Variants in CWC22 observed in about 807,000 individuals in gnomAD.
CWC22 encodes the protein pre-mRNA-splicing factor CWC22 homolog.
Under a neutral mutation model 117.2 loss-of-function variants are expected in CWC22, and 53 were observed. The ratio of observed to expected loss-of-function variants is 0.45; its 90% CI spans 0.36 to 0.57. The LOEUF (loss-of-function observed/expected upper bound fraction) is 0.57, where lower values mean the gene tolerates loss of function less well. Ranked by LOEUF, CWC22 falls within the 20% of genes least tolerant of loss-of-function variation. The pLI, the probability that CWC22 is intolerant of heterozygous loss-of-function variation, is 0.00. For missense variants in CWC22, 980 were observed against 1,068.8 expected (o/e 0.92, Z 1.16); for synonymous variants, 360 against 355.6 (o/e 1.01, Z -0.14).
intron 16 of CWC22, among the ~76,000 whole-genome samples, chr2:179,953,753 TA>T (rs1290403356): frequency 6.6e-6 from 1 of 152,260 alleles, no homozygotes; most frequent in East Asian, 1.9e-4. Context: ...CAATGTCTGC[TA>T]AAAAGAACAC....
At chr2:179,957,350 C>G (rs1024860806) in intron 14 of CWC22, among the ~76,000 whole-genome samples, 1 of 152,092 alleles carries the variant, frequency 6.6e-6, no homozygotes, top group Non-Finnish European at 1.5e-5. Context: ...CACTATATTT[C>G]AAGAATTAAT....
intron 5 of CWC22, among the ~76,000 whole-genome samples, chr2:179,978,641 A>G (rs1489701710): frequency 2.0e-5 from 3 of 152,158 alleles, no homozygotes; most frequent in Admixed American, 6.5e-5. Context: ...CTTATTTTAC[A>G]TATAATGCTT....
At chr2:179,972,311 G>C (rs1687053119) in intron 8 of CWC22, among the ~76,000 whole-genome samples, 1 of 151,978 alleles carries the variant, frequency 6.6e-6, no homozygotes, top group African/African-American at 2.4e-5. Flanking sequence ...TATGAGCAAG[G>C]ACAATTTTAG....
intron 3 of CWC22, among the ~76,000 whole-genome samples, chr2:179,987,910 T>G (rs1687461319): frequency 6.6e-6 from 1 of 152,212 alleles, no homozygotes; most frequent in Non-Finnish European, 1.5e-5. Context: ...CAACAGGGAC[T>G]GGTTTTGTGG....
chr2:179,971,184 A>C, intron 8 of CWC22, 108 bp from the exon 9 acceptor site: 2 of 754,196 alleles, frequency 2.7e-6, no homozygotes, highest in Non-Finnish European at 3.9e-6. Context: ...ATTATATTGC[A>C]CATATGATGG....
At chr2:179,989,360 T>C (rs1287579187) in intron 2 of CWC22, among the ~76,000 whole-genome samples, 1 of 152,032 alleles carries the variant, frequency 6.6e-6, no homozygotes, top group African/African-American at 2.4e-5. Context: ...CAGGCTCAAG[T>C]GATCTTCTCG....
chr2:179,954,285 G>A lies in CWC22; in HGVS notation c.1609C>T (p.His537Tyr). ...GIFKEQYDTIHRLETNKLRNV... is the reference protein window; with the variant it reads ...GIFKEQYDTIYRLETNKLRNV... ...CGCAACTTGTTTGTTTCCAAGCGAT[G>A]GATGGTATCATACTGTTCTTTGAAT... is the stretch of plus-strand genomic sequence containing the variant. Residue 537 changes from histidine (H) to tyrosine (Y), a missense_variant, in exon 16 of 20, where the codon CAT (histidine) becomes TAT (tyrosine). His to Tyr is a moderately conservative substitution (Grantham distance 83). This residue lies in a region of CWC22 where 115 missense variants were observed against 169.8 expected (regional missense o/e 0.68). Coordinates refer to ENST00000410053, the MANE Select transcript of CWC22 (RefSeq NM_020943.3). 6.2e-7 allele frequency: 1 copy of A among 1,609,708 alleles called. No individual in the cohort carries two copies. The highest frequency in any genetic ancestry group is 8.5e-7 in the Non-Finnish European group (1 of 1,176,646).
rs1686428541 is a variant in CWC22, at chr2:179,950,830, A to G, written c.1914T>C (p.Gly638=). 1 of 1,601,240 alleles carries G rather than the reference A, an allele frequency of 6.2e-7. No individual in the cohort carries two copies. The highest frequency in any genetic ancestry group is 8.5e-7 in the Non-Finnish European group (1 of 1,171,704). The change falls in exon 18 of 20, where the codon GGT becomes GGC. Residue 638 remains glycine (G), a synonymous_variant. Transcript: ENST00000410053. ...INFFTSIGLG[G]LTDELREHLK... Reference sequence around the variant, plus strand: ...ATTCTGAGAATAATCCTTACGTTAAACCTCCAAGACCTATAGAAGTAAAGA... The same window carrying G: ...ATTCTGAGAATAATCCTTACGTTAAGCCTCCAAGACCTATAGAAGTAAAGA...
chr2:179,999,943 C>T (rs570700050), intron 1 of CWC22, among the ~76,000 whole-genome samples: 25 of 152,170 alleles, frequency 1.6e-4, no homozygotes, highest in African/African-American at 6.0e-4. Flanking sequence ...CATAACGGAA[C>T]GGAATTCTCA....
At chr2:179,972,620 G>A (rs1687059920) in intron 8 of CWC22, among the ~76,000 whole-genome samples, 1 of 152,116 alleles carries the variant, frequency 6.6e-6, no homozygotes, top group African/African-American at 2.4e-5. Context: ...TCAAAGGAAT[G>A]GTTTGCAGTC....
intron 5 of CWC22, among the ~76,000 whole-genome samples, chr2:179,979,168 T>A (rs569872161): frequency 1.3e-5 from 2 of 152,296 alleles, no homozygotes; most frequent in Non-Finnish European, 2.9e-5. Flanking sequence ...CTTTTTGGGA[T>A]GATATATACA....
intron 8 of CWC22, among the ~76,000 whole-genome samples, chr2:179,972,752 A>C (rs945052331): frequency 3.9e-5 from 6 of 152,182 alleles, no homozygotes; most frequent in African/African-American, 1.4e-4. Context: ...TCACACCTGT[A>C]ATCTCAACAC....
At chr2:179,963,765 A>AC (rs1686821279) in intron 13 of CWC22, among the ~76,000 whole-genome samples, 2 of 152,220 alleles carry the variant, frequency 1.3e-5, no homozygotes, top group Non-Finnish European at 2.9e-5. Context: ...AAATGTTCAG[A>AC]CTGAAAACAG....
At chr2:179,963,500 G>A (rs1362284849) in intron 13 of CWC22, among the ~76,000 whole-genome samples, 2 of 150,510 alleles carry the variant, frequency 1.3e-5, no homozygotes, top group East Asian at 2.0e-4. Context: ...CCGCTACCAC[G>A]CCCGGCTAAT....
chr2:179,961,648 C>T (rs920007107), intron 13 of CWC22, among the ~76,000 whole-genome samples: 2 of 151,772 alleles, frequency 1.3e-5, no homozygotes, highest in Admixed American at 6.6e-5. Context: ...GAAAAACAGT[C>T]GAGTAGTTGA....
chr2:179,978,472 AATAG>A (rs1451402131), intron 5 of CWC22, among the ~76,000 whole-genome samples, 154 bp from the exon 6 acceptor site: 2 of 148,110 alleles, frequency 1.4e-5, no homozygotes, highest in Non-Finnish European at 3.0e-5. Context: ...TATCAGGATA[AATAG>A]ATTATATCCT....
chr2:179,944,964 C>G lies in CWC22; in HGVS notation c.*165G>C. 1 of 513,912 alleles carries G rather than the reference C, an allele frequency of 1.9e-6. No homozygotes were observed. Among genetic ancestry groups the G allele is most frequent in the Non-Finnish European group, 3.3e-6 (1 of 300,048 alleles). The allele number at this position is 513,912 out of a possible 1,614,324, so 31.8% of individuals were successfully genotyped here. On this transcript the variant is annotated 3_prime_UTR_variant, in exon 20 of 20. Transcript: ENST00000410053. ...TTTCAAATAATTTTATGGGTAGGGC[C>G]TTGAGATGTATCAATTATAAAACAT...
At chr2:179,992,799 G>A (rs138842217) in intron 2 of CWC22, among the ~76,000 whole-genome samples, 23 of 152,258 alleles carry the variant, frequency 1.5e-4, no homozygotes, top group African/African-American at 5.5e-4. Context: ...AACTCAATAT[G>A]CATTTGTTAA....
chr2:179,946,748 G>C (rs1010003574), intron 19 of CWC22, among the ~76,000 whole-genome samples: 1 of 152,154 alleles, frequency 6.6e-6, no homozygotes, highest in Non-Finnish European at 1.5e-5. Flanking sequence ...AGGAGGAGTA[G>C]AACAACTGGG....
Sources: gnomAD v4.1 joint callset for allele counts (sites outside exome capture counted in the v4.1 genomes callset) on GRCh38, gnomAD v4.1.1 for gene constraint, gnomAD v4.1.1 regional missense constraint, MANE v1.5 for transcripts, NCBI Gene and HGNC (gene_info 2026-07-23, HGNC 2026-07-21) for gene names.